The following YTHDF2 variants were observed in gnomAD, a reference collection of about 807,000 sequenced individuals.
YTHDF2 encodes the protein YTH N6-methyladenosine RNA binding protein F2.
A neutral mutation model predicts 50.4 loss-of-function variants in YTHDF2; 2 were observed. The ratio of observed to expected loss-of-function variants is 0.04; its 90% CI spans 0.02 to 0.12. The LOEUF (loss-of-function observed/expected upper bound fraction) is 0.12. YTHDF2 is among the 10% of genes least tolerant of loss of function. YTHDF2 has a pLI of 1.00. For missense variants in YTHDF2, 483 were observed against 722.6 expected (o/e 0.67, Z 3.80); for synonymous variants, 217 against 255.6 (o/e 0.85, Z 1.44).
chr1:28,748,724 T>A (rs1487695895), intron 4 of YTHDF2, among the ~76,000 whole-genome samples: 2 of 152,234 alleles, frequency 1.3e-5, no homozygotes, highest in Non-Finnish European at 2.9e-5. Context: ...AGGTGTGGTT[T>A]ACCTTGTTGA....
At chr1:28,760,538 A>G (rs1570477976) in intron 4 of YTHDF2, among the ~76,000 whole-genome samples, 1 of 150,912 alleles carries the variant, frequency 6.6e-6, no homozygotes, top group South Asian at 2.1e-4. Context: ...TTTGTGATCC[A>G]CCTGCCTCGG....
At chr1:28,761,103 A>AGGAATTTGTCAGCTCCATTATAATCTTAC (rs2088118894) in intron 4 of YTHDF2, among the ~76,000 whole-genome samples, 1 of 137,590 alleles carries the variant, frequency 7.3e-6, no homozygotes. Flanking sequence ...TATATCGTGC[A>AGGAATTTGTCAGCTCCATTATAATCTTAC]TGAGTGTGTG....
At chr1:28,755,029 A>G (rs1395785631) in intron 4 of YTHDF2, among the ~76,000 whole-genome samples, 2 of 151,346 alleles carry the variant, frequency 1.3e-5, no homozygotes, top group Non-Finnish European at 2.9e-5. Flanking sequence ...CTTTTACAGT[A>G]TTCTGGGGAA....
intron 4 of YTHDF2, among the ~76,000 whole-genome samples, chr1:28,760,427 T>G (rs2088104216): frequency 6.6e-6 from 1 of 152,040 alleles, no homozygotes; most frequent in South Asian, 2.1e-4. Context: ...CCAGAGTAGC[T>G]GGGACTACAG....
At chr1:28,741,883 A>G (rs919556588) in intron 3 of YTHDF2, among the ~76,000 whole-genome samples, 1 of 152,222 alleles carries the variant, frequency 6.6e-6, no homozygotes, top group Non-Finnish European at 1.5e-5. Flanking sequence ...AGTTTGTGAA[A>G]TGCTAAGTTT....
intron 4 of YTHDF2, among the ~76,000 whole-genome samples, chr1:28,751,672 A>G (rs1350895194): frequency 6.6e-6 from 1 of 152,214 alleles, no homozygotes; most frequent in Non-Finnish European, 1.5e-5. Context: ...TGCCCCTTGT[A>G]TCTATCTTTC....
At position 28,743,871 on chromosome 1, in the gene YTHDF2, T is replaced by G; in HGVS notation, c.1601T>G (p.Leu534Arg). ...TCTAGGGACACTCAGGAAGTGCCTC[T>G]GGAAAAGGCTAAGCAGGTGTTGAAA... is the stretch of plus-strand genomic sequence containing the variant. ...TNSRDTQEVP[L>R]EKAKQVLKII... Residue 534 changes from leucine to arginine, a missense_variant, in exon 4 of 5, where the codon CTG becomes CGG. By Grantham distance (102) the Leu-to-Arg change is moderately radical. This residue lies in a region of YTHDF2 where 38 missense variants were observed against 60.1 expected (regional missense o/e 0.63). Transcript: ENST00000373812. The surrounding 1 kb of genome is among the most constrained non-coding windows in gnomAD (Gnocchi z 6.9). The G allele has an allele frequency of 6.2e-7, 1 of 1,613,206 alleles. No individual in the cohort carries two copies. Among genetic ancestry groups the G allele is most frequent in the Non-Finnish European group, 8.5e-7 (1 of 1,179,738 alleles).
In YTHDF2 at chr1:28,753,358, C is replaced by CAAAAAAAAAAAAAAAAAAAAAA. The variant is rs34047138; in HGVS notation, c.1716+9391_1716+9412dup. Among the ~76,000 whole-genome samples the CAAAAAAAAAAAAAAAAAAAAAA allele has an allele frequency of 7.8e-3, 132 of 16,946 alleles. 64 individuals carry two copies. Among genetic ancestry groups the CAAAAAAAAAAAAAAAAAAAAAA allele is most frequent in the Non-Finnish European group, 8.6e-3 (89 of 10,350 alleles). 11.1% of individuals were successfully genotyped at this position (16,946 alleles called of 152,430 possible). Reference sequence around the variant, plus strand: ...GCAACATAATGAAATCCTGCCTCTCCAAAAAAAAAAAAAAAAAAAAAAAAA... The same window carrying CAAAAAAAAAAAAAAAAAAAAAA: ...GCAACATAATGAAATCCTGCCTCTCCAAAAAAAAAAAAAAAAAAAAAAAAAAAAAAAAAAAAAAAAAAAAAAA... On this transcript the variant is annotated intron_variant, in intron 4 of 4. Coordinates refer to ENST00000373812, the MANE Select transcript of YTHDF2 (RefSeq NM_016258.3).
Position 28,742,839 on chromosome 1 carries a change from C to T in YTHDF2, c.569C>T (p.Ala190Val), listed in dbSNP as rs2124629705. 2 of 1,614,150 alleles carry T rather than the reference C, an allele frequency of 1.2e-6. No homozygotes were observed. The highest frequency in any genetic ancestry group is 1.7e-6 in the Non-Finnish European group (2 of 1,180,026). The change falls in exon 4 of 5, where the codon GCA becomes GTA. Residue 190 changes from alanine (A) to valine (V), a missense_variant. Ala to Val is a moderately conservative substitution (Grantham distance 64). Around this residue, in one of 4 missense-constraint regions of YTHDF2, gnomAD observed 385 missense variants for 475.8 expected, o/e 0.81. Coordinates refer to ENST00000373812, the MANE Select transcript of YTHDF2 (RefSeq NM_016258.3). ...PGMNTIDQGM[A>V]ALKLGSTEVA... is the part of the protein sequence containing the mutation. Reference sequence around the variant, plus strand: ...ATGAATACTATAGACCAAGGGATGGCAGCACTGAAGTTGGGTAGCACAGAA... The same window carrying T: ...ATGAATACTATAGACCAAGGGATGGTAGCACTGAAGTTGGGTAGCACAGAA...
chr1:28,761,131 A>ATTTTTTTTTTT (rs56876999), intron 4 of YTHDF2, among the ~76,000 whole-genome samples: 1 of 91,444 alleles, frequency 1.1e-5, no homozygotes, highest in African/African-American at 4.5e-5. Flanking sequence ...GTGTGTGTGT[A>ATTTTTTTTTTT]TTTTTTTTTT....
intron 4 of YTHDF2, among the ~76,000 whole-genome samples, chr1:28,746,820 G>C (rs1043404137): frequency 6.6e-6 from 1 of 152,150 alleles, no homozygotes; most frequent in African/African-American, 2.4e-5. Flanking sequence ...TCTGGCTCAC[G>C]CCTGTAATCC....
intron 4 of YTHDF2, among the ~76,000 whole-genome samples, chr1:28,752,483 G>A (rs1345367402): frequency 6.6e-6 from 1 of 152,034 alleles, no homozygotes; most frequent in African/African-American, 2.4e-5. Context: ...TTTAGTAGAA[G>A]CGAGGTTTCA....
intron 4 of YTHDF2, among the ~76,000 whole-genome samples, chr1:28,753,278 T>C (rs994269637): frequency 7.2e-6 from 1 of 139,428 alleles, no homozygotes; most frequent in Non-Finnish European, 1.5e-5. Flanking sequence ...CCTCGCACTT[T>C]GGGGAGGCTG....
At chr1:28,752,795 C>T (rs2087977322) in intron 4 of YTHDF2, among the ~76,000 whole-genome samples, 1 of 151,962 alleles carries the variant, frequency 6.6e-6, no homozygotes, top group Admixed American at 6.6e-5. Context: ...GTAATCCCAA[C>T]ACTTTGGGAG....
intron 4 of YTHDF2, among the ~76,000 whole-genome samples, chr1:28,763,886 A>G (rs904703411): frequency 1.5e-5 from 2 of 136,890 alleles, no homozygotes; most frequent in Non-Finnish European, 3.2e-5. Flanking sequence ...TTTTTTTCCT[A>G]TTATATATAC....
intron 3 of YTHDF2, among the ~76,000 whole-genome samples, chr1:28,739,390 C>T (rs1358440965): frequency 6.6e-6 from 1 of 150,986 alleles, no homozygotes; most frequent in African/African-American, 2.4e-5. Context: ...TCTCGGCTCA[C>T]TGCAACCTCT....
intron 1 of YTHDF2, chr1:28,737,377 T>C: frequency 1.6e-6 from 1 of 630,302 alleles, no homozygotes; most frequent in Non-Finnish European, 2.6e-6. Context: ...CGTTCCCTTC[T>C]CTCGGCGGGC....
At chr1:28,756,733 G>A (rs936881090) in intron 4 of YTHDF2, among the ~76,000 whole-genome samples, 1 of 152,144 alleles carries the variant, frequency 6.6e-6, no homozygotes, top group Non-Finnish European at 1.5e-5. Flanking sequence ...CAGGTTTGGA[G>A]GGATGAGGAA....
At chr1:28,742,186 G>A (rs912128123) in intron 3 of YTHDF2, among the ~76,000 whole-genome samples, 1 of 151,752 alleles carries the variant, frequency 6.6e-6, no homozygotes, top group Non-Finnish European at 1.5e-5. Flanking sequence ...AAGTAGACAG[G>A]GTTTCATCGT....
Sources: allele counts gnomAD v4.1 joint callset (sites outside exome capture counted in the v4.1 genomes callset), GRCh38; gene constraint gnomAD v4.1.1; regional missense constraint gnomAD v4.1.1; non-coding constraint Gnocchi (gnomAD v3.1); transcripts MANE v1.5; gene names NCBI Gene and HGNC (gene_info 2026-07-23, HGNC 2026-07-21).